The following FAM184A variants were observed in gnomAD, a reference collection of about 807,000 sequenced individuals.
FAM184A encodes the protein family with sequence similarity 184 member A, also known as protein FAM184A.
A neutral mutation model predicts 143.8 loss-of-function variants in FAM184A; 99 were observed. The observed-to-expected ratio is 0.69, with a 90% CI of 0.58 to 0.81. FAM184A has a LOEUF of 0.81. Among genes scored for constraint, FAM184A ranks in the 40% least tolerant of loss-of-function variants. The pLI is 0.00. For synonymous variants in FAM184A, 427 were observed against 446.4 expected (o/e 0.96, Z 0.55); for missense variants, 1,217 against 1,310.5 (o/e 0.93, Z 1.10).
At chr6:119,115,299 G>T (rs1444887421) in intron 1 of FAM184A, among the ~76,000 whole-genome samples, 1 of 152,110 alleles carries the variant, frequency 6.6e-6, no homozygotes, top group Non-Finnish European at 1.5e-5. Flanking sequence ...CAGAGGAAAG[G>T]GAAATAAATA....
At chr6:119,135,979 G>A (rs189173766) in intron 1 of FAM184A, among the ~76,000 whole-genome samples, 5,512 of 150,762 alleles carry the variant, frequency 0.037, 141 homozygotes, top group Non-Finnish European at 0.058. Flanking sequence ...AAAAAAAAAA[G>A]CAGAAAGAAT....
intron 1 of FAM184A, among the ~76,000 whole-genome samples, chr6:119,072,228 G>A (rs1025804603): frequency 6.6e-6 from 1 of 151,614 alleles, no homozygotes; most frequent in African/African-American, 2.4e-5. Context: ...TTTGTGACCA[G>A]TTAATTAACA....
chr6:119,054,852 T>A (rs1285515084), intron 1 of FAM184A, among the ~76,000 whole-genome samples: 1 of 87,788 alleles, frequency 1.1e-5, no homozygotes, highest in East Asian at 3.9e-4. Context: ...CTTGAGTAAC[T>A]GAGCCTTGTG....
At chr6:118,989,863 T>C (rs550738682) in intron 9 of FAM184A, among the ~76,000 whole-genome samples, 1 of 151,882 alleles carries the variant, frequency 6.6e-6, no homozygotes, top group African/African-American at 2.4e-5. Context: ...AGAGTCTTGC[T>C]CTGTCACCAG....
chr6:119,114,451 G>A (rs1582628530), intron 1 of FAM184A, among the ~76,000 whole-genome samples: 1 of 152,160 alleles, frequency 6.6e-6, no homozygotes, highest in Non-Finnish European at 1.5e-5. Flanking sequence ...GGACTTTCCT[G>A]CCCTCTGATG....
chr6:118,985,490 TA>T (rs1201582097), intron 9 of FAM184A, among the ~76,000 whole-genome samples: 1 of 152,230 alleles, frequency 6.6e-6, no homozygotes, highest in African/African-American at 2.4e-5. Context: ...TGTGTTTTTG[TA>T]GTTTTTTCCT....
chr6:119,018,038 T>C (rs888599538), intron 4 of FAM184A, among the ~76,000 whole-genome samples: 1 of 152,216 alleles, frequency 6.6e-6, no homozygotes, highest in African/African-American at 2.4e-5. Context: ...ACCGCAGAAC[T>C]GCAAGCCAAA....
At chr6:119,137,500 G>T (rs951371928) in intron 1 of FAM184A, among the ~76,000 whole-genome samples, 1 of 152,096 alleles carries the variant, frequency 6.6e-6, no homozygotes, top group Non-Finnish European at 1.5e-5. Context: ...ACCTTCTAAA[G>T]ACCTTATTTC....
chr6:119,071,252 G>A (rs564478529), intron 1 of FAM184A, among the ~76,000 whole-genome samples: 23 of 152,224 alleles, frequency 1.5e-4, no homozygotes, highest in African/African-American at 5.3e-4. Context: ...ATAAAAACTG[G>A]AAAACTTGCA....
At chr6:119,070,080 TC>T (rs1271257881) in intron 1 of FAM184A, among the ~76,000 whole-genome samples, 7 of 152,128 alleles carry the variant, frequency 4.6e-5, no homozygotes, top group Non-Finnish European at 1.0e-4. Context: ...AATATCCAAA[TC>T]CCACATATGA....
rs1219912084 is a variant in FAM184A, at chr6:119,078,357, A to G, written c.-58T>C. 1.5e-6 allele frequency: 2 copies of G among 1,364,466 alleles called. No homozygotes were observed. Among genetic ancestry groups the G allele is most frequent in the Non-Finnish European group, 1.9e-6 (2 of 1,062,070 alleles). The allele number at this position is 1,364,466 out of a possible 1,614,324, so 84.5% of individuals were successfully genotyped here. A position where few individuals can be genotyped will look rare whatever the true frequency, so the allele number is the denominator to read the frequency against. On this transcript the variant is annotated 5_prime_UTR_variant, in exon 1 of 18. Coordinates refer to ENST00000338891, the MANE Select transcript of FAM184A (RefSeq NM_024581.6). This position sits in a 1 kb window ranked among gnomAD's most constrained non-coding sequence, Gnocchi z 5.5. ...CCCGCGGGTGGAGGCAGGCCCGTGG[A>G]GCAACGACGCCCGGGAGGCAAGAGT...
chr6:118,975,453 T>C (rs1040621304), intron 12 of FAM184A, among the ~76,000 whole-genome samples: 1 of 152,248 alleles, frequency 6.6e-6, no homozygotes, highest in Non-Finnish European at 1.5e-5. Context: ...AGGACATCTC[T>C]CTCATTTTAC....
At chr6:119,140,101 T>TA (rs1421564875) in intron 1 of FAM184A, among the ~76,000 whole-genome samples, 1 of 152,052 alleles carries the variant, frequency 6.6e-6, no homozygotes, top group Non-Finnish European at 1.5e-5. Flanking sequence ...AACGGATTAG[T>TA]AAAAAAATAT....
chr6:119,045,925 T>C (rs1270858451), intron 1 of FAM184A, among the ~76,000 whole-genome samples: 2 of 152,236 alleles, frequency 1.3e-5, no homozygotes, highest in African/African-American at 4.8e-5. Context: ...CCTTTTGTCA[T>C]ATCCCTATTG....
intron 14 of FAM184A, among the ~76,000 whole-genome samples, chr6:118,967,555 G>A (rs1783540331): frequency 6.6e-6 from 1 of 152,098 alleles, no homozygotes; most frequent in African/African-American, 2.4e-5. Context: ...TCCCTTCTAA[G>A]CCTATTCTGT....
chr6:119,139,725 C>T (rs1772151078), intron 1 of FAM184A, among the ~76,000 whole-genome samples: 1 of 151,852 alleles, frequency 6.6e-6, no homozygotes, highest in African/African-American at 2.4e-5. Context: ...TGTCAGGGTC[C>T]AGGCTGTAGT....
chr6:118,993,299 C>T (rs989141066), intron 9 of FAM184A, among the ~76,000 whole-genome samples: 1 of 152,082 alleles, frequency 6.6e-6, no homozygotes. Flanking sequence ...TATAATGAGA[C>T]GTTGAGATAA....
intron 5 of FAM184A, among the ~76,000 whole-genome samples, chr6:119,011,642 T>G (rs989173737): frequency 6.6e-6 from 1 of 152,334 alleles, no homozygotes; most frequent in Non-Finnish European, 1.5e-5. Flanking sequence ...TATACTTTTT[T>G]TAAATGGTGA....
intron 9 of FAM184A, among the ~76,000 whole-genome samples, chr6:118,987,873 C>CTA (rs1195775261): frequency 3.9e-5 from 6 of 151,988 alleles, no homozygotes; most frequent in Non-Finnish European, 8.8e-5. Flanking sequence ...TAAATATATG[C>CTA]TTATTAATAC....
Sources: allele counts gnomAD v4.1 joint callset (sites outside exome capture counted in the v4.1 genomes callset), GRCh38; gene constraint gnomAD v4.1.1; non-coding constraint Gnocchi (gnomAD v3.1); transcripts MANE v1.5; gene names NCBI Gene and HGNC (gene_info 2026-07-23, HGNC 2026-07-21).